The following MCTP1 variants were observed in gnomAD, a reference collection of about 807,000 sequenced individuals.
MCTP1 encodes multiple C2 and transmembrane domain containing 1.
MCTP1 carries 69 observed loss-of-function variants against 120.6 expected under a neutral mutation model. That is an observed-to-expected ratio of 0.57 (90% CI 0.47 to 0.70). The LOEUF is 0.70. Among genes scored for constraint, MCTP1 ranks in the 30% least tolerant of loss-of-function variants. The probability of loss-of-function intolerance (pLI) is 0.00; values close to 1 mark genes in which losing one functional copy is unlikely to be tolerated. For missense variants in MCTP1, 1,203 were observed against 1,248.8 expected, an observed-to-expected ratio of 0.96 and a Z score of 0.55; for synonymous variants, 529 against 493.1, an observed-to-expected ratio of 1.07 and a Z score of -0.96.
chr5:95,171,214 T>C (rs1448651559), intron 1 of MCTP1, among the ~76,000 whole-genome samples: 1 of 152,206 alleles, frequency 6.6e-6, no homozygotes, highest in Admixed American at 6.5e-5. Context: ...AAAATTCTTT[T>C]CTTTAAGAAT....
intron 1 of MCTP1, among the ~76,000 whole-genome samples, chr5:95,028,550 C>G (rs1839703000): frequency 6.6e-6 from 1 of 152,162 alleles, no homozygotes; most frequent in Non-Finnish European, 1.5e-5. Flanking sequence ...CGTGGATTGT[C>G]TGCTAAATTG....
At chr5:94,917,705 A>T (rs1049596561) in intron 8 of MCTP1, among the ~76,000 whole-genome samples, 191 bp downstream of exon 8, 2 of 152,234 alleles carry the variant, frequency 1.3e-5, no homozygotes, top group Non-Finnish European at 2.9e-5. Context: ...ATTTTAGAAC[A>T]AATGAGCTGG....
At chr5:95,134,686 T>G (rs981798416) in intron 1 of MCTP1, among the ~76,000 whole-genome samples, 3 of 152,144 alleles carry the variant, frequency 2.0e-5, no homozygotes. Context: ...TGTGCTAAAG[T>G]GCCCTTGAAA....
intron 11 of MCTP1, among the ~76,000 whole-genome samples, chr5:94,889,655 T>C (rs975550654): frequency 6.6e-6 from 1 of 152,098 alleles, no homozygotes; most frequent in Non-Finnish European, 1.5e-5. Context: ...CATTTTAGTA[T>C]GTATAGAATG....
chr5:95,054,665 A>G (rs1350593403), intron 1 of MCTP1, among the ~76,000 whole-genome samples: 1 of 152,186 alleles, frequency 6.6e-6, no homozygotes, highest in Non-Finnish European at 1.5e-5. Context: ...AATCCCCACC[A>G]TGTGAAAAAG....
At chr5:94,745,846 G>A (rs1354116392) in intron 19 of MCTP1, among the ~76,000 whole-genome samples, 2 of 152,190 alleles carry the variant, frequency 1.3e-5, no homozygotes, top group Non-Finnish European at 2.9e-5. Context: ...TCAGAAGTCA[G>A]GTTATTGATA....
chr5:95,056,027 C>G (rs899531153), intron 1 of MCTP1, among the ~76,000 whole-genome samples: 1 of 152,100 alleles, frequency 6.6e-6, no homozygotes, highest in East Asian at 1.9e-4. Flanking sequence ...TGTATCTGTC[C>G]ACACATGCAC....
intron 1 of MCTP1, among the ~76,000 whole-genome samples, chr5:95,155,373 T>C (rs1562189343): frequency 6.6e-6 from 1 of 152,200 alleles, no homozygotes; most frequent in Non-Finnish European, 1.5e-5. Flanking sequence ...GGCAAGATTG[T>C]TGGACTCTTG....
intron 7 of MCTP1, among the ~76,000 whole-genome samples, chr5:94,922,493 C>T (rs1811919504): frequency 6.6e-6 from 1 of 150,548 alleles, no homozygotes; most frequent in Non-Finnish European, 1.5e-5. Context: ...TATATTCCCC[C>T]CCTTTTTTTT....
At chr5:94,910,204 ATATACATATATGTG>A (rs1415311868) in intron 9 of MCTP1, among the ~76,000 whole-genome samples, 2 of 151,464 alleles carry the variant, frequency 1.3e-5, no homozygotes, top group South Asian at 2.1e-4. Flanking sequence ...ATATATGTAT[ATATACATATATGTG>A]TATACATATA....
chr5:95,152,841 C>A (rs1009410201), intron 1 of MCTP1, among the ~76,000 whole-genome samples: 1 of 152,128 alleles, frequency 6.6e-6, no homozygotes, highest in African/African-American at 2.4e-5. Flanking sequence ...AAGGCAGAAA[C>A]TTGGTCCCAA....
chr5:95,082,069 A>AT (rs1755014005), intron 1 of MCTP1, among the ~76,000 whole-genome samples: 1 of 152,326 alleles, frequency 6.6e-6, no homozygotes, highest in South Asian at 2.1e-4. Flanking sequence ...AAAAAATTCC[A>AT]TTTTAACATG....
chr5:95,275,182 A>G (rs1759727192), intron 1 of MCTP1, among the ~76,000 whole-genome samples: 1 of 152,244 alleles, frequency 6.6e-6, no homozygotes, highest in African/African-American at 2.4e-5. Context: ...CTGAGTCAGA[A>G]GTTCTAACTG....
intron 4 of MCTP1, 57 bp downstream of exon 4, chr5:94,942,291 T>C (rs1817905508): frequency 1.5e-6 from 2 of 1,306,712 alleles, no homozygotes. Flanking sequence ...ACATTTTCTG[T>C]TACACAAGCC....
chr5:95,002,634 G>A (rs1297454392), intron 2 of MCTP1, among the ~76,000 whole-genome samples: 1 of 152,178 alleles, frequency 6.6e-6, no homozygotes, highest in Non-Finnish European at 1.5e-5. Flanking sequence ...TCTCCCATTT[G>A]GAACGGGAGT....
chr5:94,878,605 A>G (rs957345066), intron 12 of MCTP1, among the ~76,000 whole-genome samples: 1 of 152,112 alleles, frequency 6.6e-6, no homozygotes, highest in Non-Finnish European at 1.5e-5. Flanking sequence ...TAATACCAGA[A>G]CTGTATTATA....
At chr5:95,126,009 C>T (rs983272916) in intron 1 of MCTP1, among the ~76,000 whole-genome samples, 1 of 152,152 alleles carries the variant, frequency 6.6e-6, no homozygotes, top group Non-Finnish European at 1.5e-5. Context: ...TTTCGTGCCT[C>T]TTTGTTTTTT....
chr5:95,257,987 G>C (rs533065295), intron 1 of MCTP1, among the ~76,000 whole-genome samples: 1 of 152,284 alleles, frequency 6.6e-6, no homozygotes, highest in East Asian at 1.9e-4. Flanking sequence ...ATAAATATAT[G>C]ATTGAATAAA....
chr5:94,796,415 T>C (rs1482596469), intron 18 of MCTP1, among the ~76,000 whole-genome samples: 1 of 151,772 alleles, frequency 6.6e-6, no homozygotes, highest in Admixed American at 6.6e-5. Flanking sequence ...TCACACATGC[T>C]GAAAGATTCT....
Sources: allele counts gnomAD v4.1 joint callset (sites outside exome capture counted in the v4.1 genomes callset), GRCh38; gene constraint gnomAD v4.1.1; transcripts MANE v1.5; gene names NCBI Gene and HGNC (gene_info 2026-07-23, HGNC 2026-07-21).